Variants in ZNF483 observed in about 807,000 individuals in gnomAD.
ZNF483 encodes zinc finger protein 483.
Under a neutral mutation model 28.6 loss-of-function variants are expected in ZNF483, and 9 were observed. The ratio of observed to expected loss-of-function variants is 0.32; its 90% CI spans 0.19 to 0.55. The LOEUF is 0.55. ZNF483 is among the 20% of genes least tolerant of loss of function. The probability of loss-of-function intolerance (pLI) is 0.93; values close to 1 mark genes in which losing one functional copy is unlikely to be tolerated. For synonymous variants in ZNF483, 322 were observed against 306.2 expected (o/e 1.05, Z -0.54); for missense variants, 675 against 871.7 (o/e 0.77, Z 2.84).
In ZNF483 at chr9:111,552,511, C is replaced by CT. The variant is rs1333480490; in HGVS notation, c.*9342dup. ...TGGATGGTCTTTTGACTTAACTTAGCTGGAGTTCCATCCTTGTGATAGAAA... is the reference window on the plus strand; with the variant it reads ...TGGATGGTCTTTTGACTTAACTTAGCTTGGAGTTCCATCCTTGTGATAGAAA... On this transcript the variant is annotated 3_prime_UTR_variant, in exon 6 of 6. Transcript: ENST00000309235. Among the ~76,000 whole-genome samples, 2 of 152,184 alleles carry CT rather than the reference C, an allele frequency of 1.3e-5. No individual in the cohort carries two copies. Among genetic ancestry groups the CT allele is most frequent in the African/African-American group, 4.8e-5 (2 of 41,456 alleles).
chr9:111,542,192 T>C lies in ZNF483; in HGVS notation c.1257T>C (p.Asp419=), dbSNP rs1827690409. 1 of 1,614,036 alleles carries C rather than the reference T, an allele frequency of 6.2e-7. No individual in the cohort carries two copies. The highest frequency in any genetic ancestry group is 8.5e-7 in the Non-Finnish European group (1 of 1,180,018). ...CTATGTGTGAGAAATGTCGGAAAGATTCATGTCAAGAAGCAGCCTTAAATA... is the reference window on the plus strand; with the variant it reads ...CTATGTGTGAGAAATGTCGGAAAGACTCATGTCAAGAAGCAGCCTTAAATA... ...KTPMCEKCRK[D]SCQEAALNKD... is the part of the protein sequence containing the mutation. The change falls in exon 6 of 6, where the codon GAT becomes GAC. Residue 419 remains aspartate (D), a synonymous_variant. Coordinates refer to ENST00000309235, the MANE Select transcript of ZNF483 (RefSeq NM_133464.5). This position sits in a 1 kb window ranked among gnomAD's most constrained non-coding sequence, Gnocchi z 6.2.
At chr9:111,564,468 G>C (rs1828463847) in intron 5 of ZNF483, among the ~76,000 whole-genome samples, 1 of 151,772 alleles carries the variant, frequency 6.6e-6, no homozygotes, top group Admixed American at 6.6e-5. Flanking sequence ...ACCATGCCCA[G>C]CTAATTTTTT....
intron 5 of ZNF483, among the ~76,000 whole-genome samples, chr9:111,561,106 T>TAGAGAGAGAGAGAG (rs1240649497): frequency 1.3e-4 from 3 of 23,164 alleles, no homozygotes; most frequent in Non-Finnish European, 2.3e-4. Flanking sequence ...TATATATATA[T>TAGAGAGAGAGAGAG]ATATAGAGAG....
chr9:111,567,934 G>A lies in ZNF483; in HGVS notation c.722-8431G>A, dbSNP rs141170779. On this transcript the variant is annotated intron_variant, in intron 5 of 5. Coordinates refer to the ZNF483 transcript ENST00000358151. ...AATTAATACTTTTATAATTTCTTAC[G>A]CCTGTCTTACTTTAATCTCTTAATC... is the stretch of plus-strand genomic sequence containing the variant. 1.5e-3 allele frequency among the ~76,000 whole-genome samples: 234 copies of A among 152,200 alleles called. 2 individuals carry two copies. The East Asian group carries it at 0.024, about 15-fold the overall frequency.
intron 5 of ZNF483, among the ~76,000 whole-genome samples, chr9:111,567,025 G>C (rs1020952959): frequency 2.6e-5 from 4 of 151,758 alleles, no homozygotes; most frequent in Admixed American, 2.0e-4. Flanking sequence ...GGTCAAGGCT[G>C]TGGTGAGCCA....
chr9:111,570,133 G>C, intron 5 of ZNF483: 2 of 1,614,104 alleles, frequency 1.2e-6, no homozygotes, highest in African/African-American at 2.7e-5. Flanking sequence ...CTTTTTGGCG[G>C]GCATCTCCTT....
chr9:111,531,443 C>T (rs933112228), intron 3 of ZNF483, among the ~76,000 whole-genome samples: 2 of 151,918 alleles, frequency 1.3e-5, no homozygotes, highest in African/African-American at 4.8e-5. Context: ...GTGGCGGTAT[C>T]TCGGCTCACT....
Position 111,551,700 on chromosome 9 carries a change from C to T in ZNF483, c.*8530C>T, listed in dbSNP as rs1205860262. On this transcript the variant is annotated 3_prime_UTR_variant, in exon 6 of 6. Coordinates refer to ENST00000309235, the MANE Select transcript of ZNF483 (RefSeq NM_133464.5). ...TACAGGTGTGAACCGCCACACACAACCCCAATTTTTGTTTAAAATTTGCAT... is the reference window on the plus strand; with the variant it reads ...TACAGGTGTGAACCGCCACACACAATCCCAATTTTTGTTTAAAATTTGCAT... Among the ~76,000 whole-genome samples, 6 of 152,106 alleles carry T rather than the reference C, an allele frequency of 3.9e-5. No homozygotes were observed. The East Asian group carries it at 9.6e-4, about 24-fold the overall frequency.
chr9:111,527,866 A>T (rs1305022405), intron 2 of ZNF483, 59 bp downstream of exon 2: 8 of 1,613,548 alleles, frequency 5.0e-6, no homozygotes, highest in Non-Finnish European at 6.8e-6. Flanking sequence ...CCGAAAGTAA[A>T]TTCCTCAAAA....
chr9:111,573,377 C>A (rs566602542), intron 5 of ZNF483, among the ~76,000 whole-genome samples: 7 of 152,164 alleles, frequency 4.6e-5, no homozygotes, highest in Non-Finnish European at 1.0e-4. Context: ...AGGGAATCTA[C>A]AAGTTGCCCT....
intron 5 of ZNF483, among the ~76,000 whole-genome samples, chr9:111,537,033 C>G (rs548009078): frequency 1.7e-3 from 262 of 152,294 alleles, no homozygotes; most frequent in African/African-American, 6.0e-3. Flanking sequence ...CATGACTATT[C>G]TGTGCTTGTT....
downstream of ZNF483, among the ~76,000 whole-genome samples, chr9:111,559,449 CTGT>C (rs1218234438): frequency 6.6e-6 from 1 of 152,038 alleles, no homozygotes; most frequent in Non-Finnish European, 1.5e-5. Flanking sequence ...GATGACTTCA[CTGT>C]TGTTGGGCTC....
In ZNF483 at chr9:111,548,259, C is replaced by T. The variant is rs1339772167; in HGVS notation, c.*5089C>T. Among the ~76,000 whole-genome samples the T allele has an allele frequency of 6.6e-6, 1 of 152,148 alleles. No homozygotes were observed. The highest frequency in any genetic ancestry group is 1.5e-5 in the Non-Finnish European group (1 of 68,006). ...GGTAATGTGGACATACTAACAATAA[C>T]AAACATTACAGTCTGTGAACCCCAG... On this transcript the variant is annotated 3_prime_UTR_variant, in exon 6 of 6. Coordinates refer to ENST00000309235, the MANE Select transcript of ZNF483 (RefSeq NM_133464.5).
At position 111,553,806 on chromosome 9, in the gene ZNF483, G is replaced by C. The variant is rs1291989264; in HGVS notation, c.*10636G>C. Among the ~76,000 whole-genome samples the C allele has an allele frequency of 6.6e-6, 1 of 152,190 alleles. No individual in the cohort carries two copies. Among genetic ancestry groups the C allele is most frequent in the Non-Finnish European group, 1.5e-5 (1 of 68,044 alleles). On this transcript the variant is annotated 3_prime_UTR_variant, in exon 6 of 6. Transcript: ENST00000309235. ...GATTTCCATTTCTCACTAGCCTCAA[G>C]TGACTACCATATTAAGTTGCTCTAC...
At chr9:111,527,242 A>C (rs1329547741) in intron 1 of ZNF483, 26 bp from the exon 2 acceptor site, 1 of 731,718 alleles carries the variant, frequency 1.4e-6, no homozygotes, top group South Asian at 2.6e-5. Context: ...TTACTTATTT[A>C]ATGCCTTAAT....
At chr9:111,577,005 C>G (rs565732988) in exon 6 of ZNF483, 1 of 152,124 alleles carries the variant, frequency 6.6e-6, no homozygotes, top group South Asian at 2.1e-4. Flanking sequence ...GCAGGAGAAT[C>G]ACTTGAACTC....
intron 2 of ZNF483, among the ~76,000 whole-genome samples, chr9:111,529,338 G>T (rs1827262878): frequency 6.6e-6 from 1 of 152,214 alleles, no homozygotes. Context: ...AAGAGCTGTT[G>T]ACATCCGAGG....
chr9:111,536,562 A>G (rs1323460228), intron 5 of ZNF483, among the ~76,000 whole-genome samples: 1 of 152,102 alleles, frequency 6.6e-6, no homozygotes, highest in Non-Finnish European at 1.5e-5. Flanking sequence ...ACATGTATCA[A>G]TACCTTGGTT....
chr9:111,551,916 T>A lies in ZNF483; in HGVS notation c.*8746T>A, dbSNP rs1476766904. On this transcript the variant is annotated 3_prime_UTR_variant, in exon 6 of 6. Coordinates refer to ENST00000309235, the MANE Select transcript of ZNF483 (RefSeq NM_133464.5). ...TATATCATTCTTCAGATTTTGCTTA[T>A]TTTTTGCAGCCATTTATTACATTTA... Among the ~76,000 whole-genome samples the A allele has an allele frequency of 6.6e-6, 1 of 152,212 alleles. No homozygotes were observed. The highest frequency in any genetic ancestry group is 1.5e-5 in the Non-Finnish European group (1 of 68,040).
Sources: gnomAD v4.1 joint callset for allele counts (sites outside exome capture counted in the v4.1 genomes callset) on GRCh38, gnomAD v4.1.1 for gene constraint, Gnocchi (gnomAD v3.1) non-coding constraint, MANE v1.5 for transcripts, NCBI Gene and HGNC (gene_info 2026-07-23, HGNC 2026-07-21) for gene names.